Variants in TAFA2 observed in about 807,000 individuals in gnomAD.
TAFA2 encodes the protein chemokine-like protein TAFA-2.
A neutral mutation model predicts 18.8 loss-of-function variants in TAFA2; 7 were observed. The observed-to-expected ratio is 0.37, with a 90% CI of 0.21 to 0.70. The LOEUF (loss-of-function observed/expected upper bound fraction) is 0.70, where lower values mean the gene tolerates loss of function less well. Ranked by LOEUF, TAFA2 falls within the 30% of genes least tolerant of loss-of-function variation. TAFA2 has a pLI of 0.53. For missense variants in TAFA2, 122 were observed against 158.1 expected, an observed-to-expected ratio of 0.77 and a Z score of 1.23; for synonymous variants, 60 against 54.2, an observed-to-expected ratio of 1.11 and a Z score of -0.47.
intron 1 of TAFA2, among the ~76,000 whole-genome samples, chr12:62,097,342 T>A (rs762284287): frequency 6.6e-6 from 1 of 151,882 alleles, no homozygotes; most frequent in Non-Finnish European, 1.5e-5. Context: ...GCCTAACAGA[T>A]AAATAGGAAA....
intron 2 of TAFA2, among the ~76,000 whole-genome samples, chr12:61,799,839 A>C (rs1463006505): frequency 6.6e-6 from 1 of 152,104 alleles, no homozygotes; most frequent in African/African-American, 2.4e-5. Flanking sequence ...AATAAAATAA[A>C]ATAAAAAATA....
intron 1 of TAFA2, among the ~76,000 whole-genome samples, chr12:61,897,336 C>T (rs1875891410): frequency 1.3e-5 from 2 of 152,120 alleles, no homozygotes; most frequent in South Asian, 4.1e-4. Flanking sequence ...TTTCACTCAA[C>T]ATTTTACAGG....
At chr12:62,238,705 CTGA>C (rs760172130) in intron 1 of TAFA2, among the ~76,000 whole-genome samples, 49 of 152,144 alleles carry the variant, frequency 3.2e-4, no homozygotes, top group Non-Finnish European at 6.9e-4. Context: ...CTTTTTAGCC[CTGA>C]TAACTAGCAT....
chr12:62,162,261 T>C (rs1353386021), intron 1 of TAFA2, among the ~76,000 whole-genome samples: 5 of 152,228 alleles, frequency 3.3e-5, no homozygotes, highest in Non-Finnish European at 7.3e-5. Context: ...TCTCTCATCA[T>C]AAATATGTGA....
chr12:61,753,622 C>T lies in TAFA2; in HGVS notation c.384G>A (p.Arg128=). 6.2e-7 allele frequency: 1 copy of T among 1,611,432 alleles called. No individual in the cohort carries two copies. Among genetic ancestry groups the T allele is most frequent in the Non-Finnish European group, 8.5e-7 (1 of 1,178,438 alleles). The change falls in exon 4 of 5, where the codon AGG becomes AGA. Residue 128 remains arginine, a splice_region_variant and synonymous_variant. Transcript: ENST00000416284. ...TTTCCCAAGCTTGCTGTCCACTTAC[C>T]CTAGTTGTTTTGACTTTATTCCCAG... The part of the protein sequence containing the change: ...CSSGNKVKTT[R]VTH
chr12:61,801,827 A>G (rs925436157), intron 2 of TAFA2, among the ~76,000 whole-genome samples: 2 of 152,122 alleles, frequency 1.3e-5, no homozygotes, highest in African/African-American at 4.8e-5. Context: ...GAGATAACCT[A>G]TAGAATGGGA....
chr12:61,876,827 T>C (rs913822235), intron 1 of TAFA2, among the ~76,000 whole-genome samples: 1 of 145,040 alleles, frequency 6.9e-6, no homozygotes, highest in South Asian at 2.1e-4. Context: ...TTCACACTTC[T>C]CTCTGAGAAT....
At chr12:62,249,792 T>C (rs926217035) in intron 1 of TAFA2, among the ~76,000 whole-genome samples, 2 of 152,184 alleles carry the variant, frequency 1.3e-5, no homozygotes, top group Non-Finnish European at 2.9e-5. Flanking sequence ...CTTTTTTCTT[T>C]AAGAGCAAGA....
chr12:62,166,089 G>A (rs952594371), intron 1 of TAFA2, among the ~76,000 whole-genome samples: 2 of 152,020 alleles, frequency 1.3e-5, no homozygotes, highest in African/African-American at 2.4e-5. Flanking sequence ...CCTCTGTGAA[G>A]AAACACATCC....
At chr12:62,129,559 T>C (rs1870600041) in intron 1 of TAFA2, among the ~76,000 whole-genome samples, 1 of 152,060 alleles carries the variant, frequency 6.6e-6, no homozygotes, top group Non-Finnish European at 1.5e-5. Context: ...CACTGTAAGA[T>C]GCTAAATTGT....
intron 2 of TAFA2, among the ~76,000 whole-genome samples, chr12:61,835,936 T>A (rs1162676205): frequency 6.6e-6 from 1 of 151,926 alleles, no homozygotes; most frequent in East Asian, 1.9e-4. Flanking sequence ...ATATAGTAAT[T>A]ACACAATTGC....
chr12:61,832,330 G>A (rs940334270), intron 2 of TAFA2, among the ~76,000 whole-genome samples: 12 of 152,010 alleles, frequency 7.9e-5, no homozygotes, highest in African/African-American at 2.9e-4. Flanking sequence ...CTGCCACCAC[G>A]TTGTGGTGAA....
intron 1 of TAFA2, among the ~76,000 whole-genome samples, chr12:62,043,418 A>G (rs1038807298): frequency 6.6e-6 from 1 of 151,562 alleles, no homozygotes; most frequent in Non-Finnish European, 1.5e-5. Flanking sequence ...AACAATGAGA[A>G]CACATGGACA....
intron 4 of TAFA2, among the ~76,000 whole-genome samples, chr12:61,738,555 A>G (rs1173775945): frequency 2.0e-5 from 3 of 152,028 alleles, no homozygotes; most frequent in Non-Finnish European, 4.4e-5. Context: ...CTGAAAACCC[A>G]ATGTCTGATG....
intron 1 of TAFA2, among the ~76,000 whole-genome samples, chr12:62,058,517 C>G (rs1381813185): frequency 6.6e-6 from 1 of 152,188 alleles, no homozygotes; most frequent in East Asian, 1.9e-4. Context: ...CCTCAGAGGT[C>G]TCACATTTGA....
intron 1 of TAFA2, among the ~76,000 whole-genome samples, chr12:62,234,118 A>G (rs1187072683): frequency 1.3e-5 from 2 of 152,168 alleles, no homozygotes; most frequent in Non-Finnish European, 2.9e-5. Context: ...GACATGTCCA[A>G]TGGTATATGT....
chr12:61,916,344 T>A (rs1432134448), intron 1 of TAFA2, among the ~76,000 whole-genome samples: 5 of 152,178 alleles, frequency 3.3e-5, no homozygotes, highest in Non-Finnish European at 7.4e-5. Context: ...AACTTCCACA[T>A]AATAGAGATC....
At chr12:62,227,368 T>C (rs1049329951) in intron 1 of TAFA2, among the ~76,000 whole-genome samples, 1 of 152,192 alleles carries the variant, frequency 6.6e-6, no homozygotes, top group Non-Finnish European at 1.5e-5. Context: ...TACACTAAAG[T>C]GTCTGGCTGA....
At chr12:61,799,939 G>C (rs1181655335) in intron 2 of TAFA2, among the ~76,000 whole-genome samples, 1 of 152,192 alleles carries the variant, frequency 6.6e-6, no homozygotes, top group Non-Finnish European at 1.5e-5. Context: ...TTCTGATCAA[G>C]TTCTTTCTCC....
Sources: gnomAD v4.1 joint callset for allele counts (sites outside exome capture counted in the v4.1 genomes callset) on GRCh38, gnomAD v4.1.1 for gene constraint, MANE v1.5 for transcripts, NCBI Gene and HGNC (gene_info 2026-07-23, HGNC 2026-07-21) for gene names.